BARX2: variants seen among roughly 807,000 people sequenced by gnomAD.
The protein encoded by BARX2 is homeobox protein BarH-like 2.
In BARX2, 11 loss-of-function variants were observed where a neutral mutation model predicts 25.5. That is an observed-to-expected ratio of 0.43 (90% CI 0.27 to 0.71). The LOEUF is 0.71. BARX2 is among the 30% of genes least tolerant of loss of function. The pLI is 0.19. For missense variants in BARX2, 360 were observed against 359.9 expected, an observed-to-expected ratio of 1.00 and a Z score of 0.00; for synonymous variants, 137 against 149.5, an observed-to-expected ratio of 0.92 and a Z score of 0.61.
chr11:129,431,408 G>A lies in BARX2; in HGVS notation c.188-5343G>A, dbSNP rs144938745. ...AGAGGCCGTACCAGTTTGCATTCTC[G>A]CCAGCAATGAAGGAGAGTTCCAGTT... is the stretch of plus-strand genomic sequence containing the variant. On this transcript the variant is annotated intron_variant, in intron 1 of 3. Transcript: ENST00000281437. Among the ~76,000 whole-genome samples the A allele has an allele frequency of 1.0e-3, 153 of 152,168 alleles. 1 individual carries two copies. Among genetic ancestry groups the A allele is most frequent in the African/African-American group, 2.1e-3 (88 of 41,494 alleles).
Position 129,430,577 on chromosome 11 carries a change from G to A in BARX2, c.188-6174G>A, listed in dbSNP as rs188865927. Among the ~76,000 whole-genome samples the A allele has an allele frequency of 1.3e-3, 201 of 152,174 alleles. 2 individuals carry two copies. Among genetic ancestry groups the A allele is most frequent in the African/African-American group, 4.6e-3 (190 of 41,518 alleles). On this transcript the variant is annotated intron_variant, in intron 1 of 3. Coordinates refer to ENST00000281437, the MANE Select transcript of BARX2 (RefSeq NM_003658.5). ...AAAAATTCACTATTTTGGTAGAAGA[G>A]CAAGTTTTGACAAATGCAAAAAATT...
intron 3 of BARX2, 101 bp from the exon 4 acceptor site, chr11:129,451,035 G>GGA (rs1862392166): frequency 6.9e-7 from 1 of 1,442,302 alleles, no homozygotes; most frequent in East Asian, 2.3e-5. Flanking sequence ...TTTCACTGCT[G>GGA]GAACAGATGG....
chr11:129,421,939 T>C (rs1002802139), intron 1 of BARX2, among the ~76,000 whole-genome samples: 2 of 152,212 alleles, frequency 1.3e-5, no homozygotes, highest in African/African-American at 4.8e-5. Context: ...ATCATTCAGT[T>C]TGGATCACAT....
chr11:129,407,929 C>T (rs1456288946), intron 1 of BARX2, among the ~76,000 whole-genome samples: 2 of 140,076 alleles, frequency 1.4e-5, no homozygotes, highest in African/African-American at 2.7e-5. Context: ...AGGCTGGGCG[C>T]GGTGGCTCAC....
chr11:129,451,573 C>A lies in BARX2; in HGVS notation c.*171C>A. ...TGGCCTTGTCATCGCAAGCATTTGA[C>A]AAAGACTTGCTTGTCTTGGGCCTGT... is the stretch of plus-strand genomic sequence containing the variant. On this transcript the variant is annotated 3_prime_UTR_variant, in exon 4 of 4. Coordinates refer to ENST00000281437, the MANE Select transcript of BARX2 (RefSeq NM_003658.5). 2 of 782,014 alleles carry A rather than the reference C, an allele frequency of 2.6e-6. No individual in the cohort carries two copies. The highest frequency in any genetic ancestry group is 4.0e-6 in the Non-Finnish European group (2 of 503,660). 48.4% of individuals were successfully genotyped at this position (782,014 alleles called of 1,614,324 possible). A position where few individuals can be genotyped will look rare whatever the true frequency, so the allele number is the denominator to read the frequency against.
chr11:129,391,207 T>C (rs1412510832), intron 1 of BARX2, among the ~76,000 whole-genome samples: 2 of 152,206 alleles, frequency 1.3e-5, no homozygotes, highest in Non-Finnish European at 2.9e-5. Context: ...ATTGTTCTAC[T>C]ACCACAAGCT....
At chr11:129,385,263 A>G (rs1373966186) in intron 1 of BARX2, among the ~76,000 whole-genome samples, 2 of 152,206 alleles carry the variant, frequency 1.3e-5, no homozygotes, top group Non-Finnish European at 2.9e-5. Context: ...CTGCAGACGC[A>G]CATACCCTAG....
At chr11:129,406,032 T>C (rs546331964) in intron 1 of BARX2, among the ~76,000 whole-genome samples, 2 of 152,378 alleles carry the variant, frequency 1.3e-5, no homozygotes, top group East Asian at 1.9e-4. Flanking sequence ...TATGAATTCC[T>C]GGACAAAGAG....
At chr11:129,392,512 CAATAAT>C (rs1591429536) in intron 1 of BARX2, among the ~76,000 whole-genome samples, 1 of 152,190 alleles carries the variant, frequency 6.6e-6, no homozygotes, top group African/African-American at 2.4e-5. Flanking sequence ...GTTGAAAAAA[CAATAAT>C]AATAACAATA....
chr11:129,421,701 C>G (rs1280299356), intron 1 of BARX2, among the ~76,000 whole-genome samples: 1 of 152,160 alleles, frequency 6.6e-6, no homozygotes, highest in Non-Finnish European at 1.5e-5. Context: ...TGCAGGTGCT[C>G]CGGTTTAATG....
At position 129,376,080 on chromosome 11, in the gene BARX2, C is replaced by G. The variant is rs142792520; in HGVS notation, c.45C>G (p.Leu15=). ...AELRLSSPGQ[L]KAARRRYKTF... is the part of the protein sequence containing the mutation. ...TGAGGCTGAGCTCGCCCGGCCAGCT[C>G]AAAGCAGCCAGGCGGCGCTACAAGA... Residue 15 remains leucine (L), a synonymous_variant, in exon 1 of 4, where the codon CTC becomes CTG. Transcript: ENST00000281437. The surrounding 1 kb of genome is among the most constrained non-coding windows in gnomAD (Gnocchi z 4.2). The G allele has an allele frequency of 1.8e-3, 2,935 of 1,610,476 alleles. 1 individual carries two copies. The highest frequency in any genetic ancestry group is 2.4e-3 in the Non-Finnish European group (2,821 of 1,178,624).
intron 1 of BARX2, among the ~76,000 whole-genome samples, chr11:129,427,489 T>C (rs1489387403): frequency 6.7e-6 from 1 of 149,786 alleles, no homozygotes; most frequent in African/African-American, 2.5e-5. Context: ...TGTGTGTGCG[T>C]TGTTTATGTC....
intron 1 of BARX2, among the ~76,000 whole-genome samples, chr11:129,399,210 AT>A (rs1280599387): frequency 2.0e-5 from 3 of 152,168 alleles, no homozygotes. Flanking sequence ...AGTGCAGTTA[AT>A]TAGGCAGCTT....
chr11:129,396,664 C>A (rs7103579), intron 1 of BARX2, among the ~76,000 whole-genome samples: 51,156 of 151,918 alleles, frequency 0.34, 11,197 homozygotes, highest in African/African-American at 0.62. Flanking sequence ...GGCAGCTGTT[C>A]AACAGTGCAT....
rs780280971 is a variant in BARX2, at chr11:129,408,982, C to T, written c.188-27769C>T. 2.0e-5 allele frequency among the ~76,000 whole-genome samples: 3 copies of T among 152,086 alleles called. No individual in the cohort carries two copies. In the South Asian group the frequency reaches 6.2e-4, roughly 32 times the overall value. On this transcript the variant is annotated intron_variant, in intron 1 of 3. Transcript: ENST00000281437. ...GATGGGCTGTGACCTTTGTTGCCCTCAAACTAATCAAAGGGGAGTGATATT... is the reference window on the plus strand; with the variant it reads ...GATGGGCTGTGACCTTTGTTGCCCTTAAACTAATCAAAGGGGAGTGATATT...
At chr11:129,395,185 G>C (rs1861704974) in intron 1 of BARX2, among the ~76,000 whole-genome samples, 1 of 152,074 alleles carries the variant, frequency 6.6e-6, no homozygotes, top group African/African-American at 2.4e-5. Flanking sequence ...AATCCATAAT[G>C]ACAGTTTGGG....
chr11:129,433,693 G>A (rs1352449788), intron 1 of BARX2, among the ~76,000 whole-genome samples: 2 of 152,040 alleles, frequency 1.3e-5, no homozygotes, highest in East Asian at 3.9e-4. Context: ...TCTGCGTGGG[G>A]GTGCTTACCT....
intron 1 of BARX2, among the ~76,000 whole-genome samples, chr11:129,427,285 G>C (rs1862074777): frequency 6.6e-6 from 1 of 152,182 alleles, no homozygotes; most frequent in Admixed American, 6.5e-5. Context: ...CCTGCTCACT[G>C]TGTGAGTCAG....
rs888103448 is a variant in BARX2 at position 129,383,905 on chromosome 11, G to T, written c.187+7683G>T. On this transcript the variant is annotated intron_variant, in intron 1 of 3. Transcript: ENST00000281437. ...TTGTTTGTTTTTGAGACAGAGTCTC[G>T]CTCTGTCACTGAGGCTGGAGTGTAA... 2.6e-5 allele frequency among the ~76,000 whole-genome samples: 4 copies of T among 152,180 alleles called. No homozygotes were observed. The East Asian group carries it at 7.7e-4, about 29-fold the overall frequency.
Sources: gnomAD v4.1 joint callset for allele counts (sites outside exome capture counted in the v4.1 genomes callset) on GRCh38, gnomAD v4.1.1 for gene constraint, Gnocchi (gnomAD v3.1) non-coding constraint, MANE v1.5 for transcripts, NCBI Gene and HGNC (gene_info 2026-07-23, HGNC 2026-07-21) for gene names.